The following ARMC10 variants were observed in gnomAD, a reference collection of about 807,000 sequenced individuals.
The protein encoded by ARMC10 is armadillo repeat containing 10, also known as armadillo repeat-containing protein 10.
Under a neutral mutation model 30.2 loss-of-function variants are expected in ARMC10, and 23 were observed. That is an observed-to-expected ratio of 0.76 (90% CI 0.55 to 1.08). The LOEUF (loss-of-function observed/expected upper bound fraction) is 1.08, where lower values mean the gene tolerates loss of function less well. ARMC10 is among the 50% of genes least tolerant of loss of function. ARMC10 has a pLI of 0.00. For synonymous variants in ARMC10, 111 were observed against 164.4 expected (o/e 0.68, Z 2.48); for missense variants, 303 against 413.7 (o/e 0.73, Z 2.32).
chr7:103,086,407 A>G (rs1214364831), intron 3 of ARMC10, among the ~76,000 whole-genome samples: 3 of 152,134 alleles, frequency 2.0e-5, no homozygotes, highest in Non-Finnish European at 4.4e-5. Flanking sequence ...TGTAGTTTAA[A>G]TAATTATATA....
At position 103,083,737 on chromosome 7, in the gene ARMC10, A is replaced by T; in HGVS notation, c.300A>T (p.Lys100Asn). The change falls in exon 3 of 7, where the codon AAA becomes AAT. Residue 100 changes from lysine to asparagine, a missense_variant. By Grantham distance (94) the Lys-to-Asn change is moderately conservative. Transcript: ENST00000323716. ...DDVLNAEQLQ[K>N]LLYLLESTED... is the part of the protein sequence containing the mutation. ...TTCTAAATGCTGAACAACTTCAGAA[A>T]CTCCTTTACCTGCTGGAGTCAACGG... The T allele has an allele frequency of 6.2e-7, 1 of 1,613,700 alleles. No homozygotes were observed. The highest frequency in any genetic ancestry group is 8.5e-7 in the Non-Finnish European group (1 of 1,179,612).
At chr7:103,097,131 A>G (rs1363819965) in intron 5 of ARMC10, 146 bp from the exon 6 acceptor site, 2 of 681,488 alleles carry the variant, frequency 2.9e-6, no homozygotes, top group Non-Finnish European at 2.6e-6. Context: ...ATGAACGGAG[A>G]AGGTTTCCTG....
At chr7:103,091,322 C>A (rs1184688133) in intron 4 of ARMC10, among the ~76,000 whole-genome samples, 1 of 152,018 alleles carries the variant, frequency 6.6e-6, no homozygotes, top group Non-Finnish European at 1.5e-5. Context: ...GGCAGTGAGA[C>A]CTTGTCCCCC....
At chr7:103,092,898 A>G (rs992241539) in intron 5 of ARMC10, among the ~76,000 whole-genome samples, 2 of 152,244 alleles carry the variant, frequency 1.3e-5, no homozygotes, top group Admixed American at 6.5e-5. Flanking sequence ...CCCACCAAAT[A>G]TAGGAACATT....
chr7:103,092,709 C>T (rs773996814), intron 5 of ARMC10, 56 bp downstream of exon 5: 1 of 1,316,148 alleles, frequency 7.6e-7, no homozygotes, highest in African/African-American at 1.5e-5. Flanking sequence ...TTGCAGGCCA[C>T]CTATCTTAAG....
intron 3 of ARMC10, chr7:103,084,195 T>A: frequency 4.6e-6 from 2 of 435,892 alleles, no homozygotes; most frequent in South Asian, 4.6e-5. Flanking sequence ...GTCTTATGAA[T>A]ATGATTCTGA....
Position 103,099,129 on chromosome 7 carries a change from A to G in ARMC10, c.*576A>G, listed in dbSNP as rs567189227. On this transcript the variant is annotated 3_prime_UTR_variant, in exon 7 of 7. Coordinates refer to ENST00000323716, the MANE Select transcript of ARMC10 (RefSeq NM_031905.5). The stretch of plus-strand genomic sequence containing the variant: ...TGTTATATATAAAATAGTGTGATCA[A>G]TCACAATGTCCATCTTTAGACAGTT... The G allele has an allele frequency of 2.0e-4, 25 of 127,254 alleles. No individual in the cohort carries two copies. Among genetic ancestry groups the G allele is most frequent in the Non-Finnish European group, 3.8e-4 (22 of 58,662 alleles). The allele number at this position is 127,254 out of a possible 1,614,324, so 7.9% of individuals were successfully genotyped here. A position where few individuals can be genotyped will look rare whatever the true frequency, so the allele number is the denominator to read the frequency against.
chr7:103,099,344 G>A lies in ARMC10; in HGVS notation c.*791G>A, dbSNP rs1444478745. ...AAATTAGCTGGGCATGGTGGTGCAT[G>A]CCTGTAATCCCAGCTACTTGGGAGG... On this transcript the variant is annotated 3_prime_UTR_variant, in exon 7 of 7. Coordinates refer to ENST00000323716, the MANE Select transcript of ARMC10 (RefSeq NM_031905.5). 1 of 118,580 alleles carries A rather than the reference G, an allele frequency of 8.4e-6. No homozygotes were observed. The highest frequency in any genetic ancestry group is 1.8e-5 in the Non-Finnish European group (1 of 55,386). 7.3% of individuals were successfully genotyped at this position (118,580 alleles called of 1,614,324 possible).
At chr7:103,098,242 T>C in intron 6 of ARMC10, 57 bp from the exon 7 acceptor site, 1 of 1,237,584 alleles carries the variant, frequency 8.1e-7, no homozygotes, top group Non-Finnish European at 1.0e-6. Context: ...AAAATATACA[T>C]GAAAAAGTTT....
rs1252528345 is a variant in ARMC10, at chr7:103,099,266, T to C, written c.*713T>C. 1 of 136,838 alleles carries C rather than the reference T, an allele frequency of 7.3e-6. No homozygotes were observed. The highest frequency in any genetic ancestry group is 2.6e-5 in the African/African-American group (1 of 37,962). The allele number at this position is 136,838 out of a possible 1,614,324, so 8.5% of individuals were successfully genotyped here. A position where few individuals can be genotyped will look rare whatever the true frequency, so the allele number is the denominator to read the frequency against. On this transcript the variant is annotated 3_prime_UTR_variant, in exon 7 of 7. Coordinates refer to ENST00000323716, the MANE Select transcript of ARMC10 (RefSeq NM_031905.5). ...CGGGCAGATCACCTGAGATCGGGAGTTTGAGACCAAGCCTGACCAATATGG... is the reference window on the plus strand; with the variant it reads ...CGGGCAGATCACCTGAGATCGGGAGCTTGAGACCAAGCCTGACCAATATGG...
chr7:103,089,218 C>A (rs759630884), intron 4 of ARMC10: 19 of 251,362 alleles, frequency 7.6e-5, no homozygotes, highest in Non-Finnish European at 1.4e-4. Context: ...CATACAGACA[C>A]TGTGAATCAG....
At position 103,097,262 on chromosome 7, in the gene ARMC10, A is replaced by G. The variant is rs1271714700; in HGVS notation, c.706-15A>G. ...GCTTGCCAGTCTGAGATAAGCCAGTATCATCTTCTTTCAGGTGCAAGTTTT... is the reference window on the plus strand; with the variant it reads ...GCTTGCCAGTCTGAGATAAGCCAGTGTCATCTTCTTTCAGGTGCAAGTTTT... On this transcript the variant is annotated splice_polypyrimidine_tract_variant and intron_variant, in intron 5 of 6. Coordinates refer to ENST00000323716, the MANE Select transcript of ARMC10 (RefSeq NM_031905.5). The G allele has an allele frequency of 5.0e-6, 8 of 1,609,432 alleles. No homozygotes were observed. The highest frequency in any genetic ancestry group is 1.7e-5 in the Admixed American group (1 of 60,010).
rs1243958039 is a variant in ARMC10, at chr7:103,075,269, C to T, written c.-4C>T. Reference sequence around the variant, plus strand: ...CGGCGCTGCGGCTCTGCCGCGGCGGCAGCATGGGTGGCCCCCGGGGCGCGG... The same window carrying T: ...CGGCGCTGCGGCTCTGCCGCGGCGGTAGCATGGGTGGCCCCCGGGGCGCGG... On this transcript the variant is annotated 5_prime_UTR_variant, in exon 1 of 7. Coordinates refer to ENST00000323716, the MANE Select transcript of ARMC10 (RefSeq NM_031905.5). 15 of 1,204,450 alleles carry T rather than the reference C, an allele frequency of 1.2e-5. No individual in the cohort carries two copies. Among genetic ancestry groups the T allele is most frequent in the Non-Finnish European group, 1.4e-5 (14 of 970,144 alleles). The allele number at this position is 1,204,450 out of a possible 1,614,324, so 74.6% of individuals were successfully genotyped here. A position where few individuals can be genotyped will look rare whatever the true frequency, so the allele number is the denominator to read the frequency against.
At chr7:103,079,978 G>A (rs1361521855) in intron 2 of ARMC10, among the ~76,000 whole-genome samples, 3 of 152,156 alleles carry the variant, frequency 2.0e-5, no homozygotes, top group Admixed American at 6.5e-5. Context: ...GTCTTGCTAC[G>A]TTATAATGTG....
At chr7:103,091,329 C>T (rs994118135) in intron 4 of ARMC10, among the ~76,000 whole-genome samples, 3 of 151,760 alleles carry the variant, frequency 2.0e-5, no homozygotes, top group African/African-American at 7.3e-5. Context: ...AGACCTTGTC[C>T]CCCCGGAAAA....
chr7:103,097,446 TTC>T lies in ARMC10; in HGVS notation c.777+104_777+105del. ...ATTAAGCCTAAAATGTTAACAGGGA[TTC>T]TCTCTGAGGAGCAGTATTAAAGGTG... On this transcript the variant is annotated intron_variant, in intron 6 of 6. Coordinates refer to ENST00000323716, the MANE Select transcript of ARMC10 (RefSeq NM_031905.5). 3 of 921,650 alleles carry T rather than the reference TTC, an allele frequency of 3.3e-6. No homozygotes were observed. In the South Asian group the frequency reaches 4.7e-5, roughly 14 times the overall value. 57.1% of individuals were successfully genotyped at this position (921,650 alleles called of 1,614,324 possible).
At chr7:103,076,917 C>T (rs1412732065) in intron 2 of ARMC10, among the ~76,000 whole-genome samples, 1 of 152,208 alleles carries the variant, frequency 6.6e-6, no homozygotes, top group East Asian at 1.9e-4. Context: ...CAGACAGGGA[C>T]TCCCTCTGTC....
chr7:103,080,786 C>T (rs1800313430), intron 2 of ARMC10, among the ~76,000 whole-genome samples: 1 of 151,396 alleles, frequency 6.6e-6, no homozygotes, highest in African/African-American at 2.4e-5. Context: ...TGCCACCATG[C>T]CTGGCTAATT....
chr7:103,085,545 C>G (rs1800759753), intron 3 of ARMC10, among the ~76,000 whole-genome samples: 1 of 151,486 alleles, frequency 6.6e-6, no homozygotes, highest in South Asian at 2.1e-4. Context: ...CATAGTATTG[C>G]AACCAACTGT....
Sources: gnomAD v4.1 joint callset for allele counts (sites outside exome capture counted in the v4.1 genomes callset) on GRCh38, gnomAD v4.1.1 for gene constraint, MANE v1.5 for transcripts, NCBI Gene and HGNC (gene_info 2026-07-23, HGNC 2026-07-21) for gene names.